Variants in GLI2 observed in about 807,000 individuals in gnomAD.
GLI2 encodes transcription activator GLI2.
A neutral mutation model predicts 78.9 loss-of-function variants in GLI2; 22 were observed. The observed-to-expected ratio is 0.28, with a 90% CI of 0.20 to 0.40. The LOEUF (loss-of-function observed/expected upper bound fraction) is 0.40. GLI2 is among the 10% of genes least tolerant of loss of function. The pLI, the probability that GLI2 is intolerant of heterozygous loss-of-function variation, is 1.00. For missense variants in GLI2, 2,097 were observed against 2,213.2 expected, an observed-to-expected ratio of 0.95 and a Z score of 1.05; for synonymous variants, 974 against 963.7, an observed-to-expected ratio of 1.01 and a Z score of -0.20.
At chr2:120,965,365 A>T (rs2105001884) in intron 5 of GLI2, among the ~76,000 whole-genome samples, 1 of 143,344 alleles carries the variant, frequency 7.0e-6, no homozygotes, top group South Asian at 2.1e-4. Flanking sequence ...TCCAGCCGGG[A>T]TGCAGATGCT....
intron 1 of GLI2, among the ~76,000 whole-genome samples, chr2:120,757,431 G>A (rs1683067472): frequency 6.6e-6 from 1 of 152,136 alleles, no homozygotes; most frequent in African/African-American, 2.4e-5. Flanking sequence ...TTGCTATTGA[G>A]GTAAAATCCT....
At chr2:120,767,846 A>C (rs1683410087) in intron 1 of GLI2, among the ~76,000 whole-genome samples, 1 of 152,238 alleles carries the variant, frequency 6.6e-6, no homozygotes. Flanking sequence ...AGCAGACTTC[A>C]GTACCACTTC....
intron 3 of GLI2, among the ~76,000 whole-genome samples, chr2:120,949,166 C>T (rs182425278): frequency 6.6e-6 from 1 of 152,208 alleles, no homozygotes; most frequent in African/African-American, 2.4e-5. Context: ...TCTGGTCCCA[C>T]TTCTCCTCTC....
intron 3 of GLI2, among the ~76,000 whole-genome samples, chr2:120,947,193 C>A (rs540734676): frequency 6.6e-6 from 1 of 152,200 alleles, no homozygotes; most frequent in South Asian, 2.1e-4. Context: ...CCAGTGTCAT[C>A]AAGAACGCCC....
intron 1 of GLI2, among the ~76,000 whole-genome samples, chr2:120,760,430 A>G (rs914853266): frequency 6.6e-6 from 1 of 152,190 alleles, no homozygotes; most frequent in African/African-American, 2.4e-5. Context: ...TTTCCCAGGA[A>G]GTGGAGGCAG....
rs561353511 is a variant in GLI2 at position 120,975,222 on chromosome 2, A to G, written c.1317+113A>G. 4.9e-4 allele frequency: 490 copies of G among 1,008,564 alleles called. 5 individuals are homozygous for G. Among genetic ancestry groups the G allele is most frequent in the Non-Finnish European group, 5.9e-4 (401 of 676,290 alleles). The allele number at this position is 1,008,564 out of a possible 1,614,324, so 62.5% of individuals were successfully genotyped here. On this transcript the variant is annotated intron_variant, in intron 9 of 13. Coordinates refer to ENST00000361492, the MANE Select transcript of GLI2 (RefSeq NM_001374353.1). ...GAAGGGGCTGGAGGAAGAGACCCCCAGAGATGCCTGGGCCACATCCCCTGC... is the reference window on the plus strand; with the variant it reads ...GAAGGGGCTGGAGGAAGAGACCCCCGGAGATGCCTGGGCCACATCCCCTGC...
At chr2:120,960,458 A>G (rs1681499797) in intron 5 of GLI2, among the ~76,000 whole-genome samples, 1 of 152,226 alleles carries the variant, frequency 6.6e-6, no homozygotes, top group African/African-American at 2.4e-5. Context: ...CCGGTTTGCA[A>G]ACCACCAGCC....
intron 2 of GLI2, among the ~76,000 whole-genome samples, chr2:120,876,133 A>G (rs1688726191): frequency 6.6e-6 from 1 of 152,148 alleles, no homozygotes; most frequent in South Asian, 2.1e-4. Flanking sequence ...CGAGGTCAGG[A>G]GATGGAGACC....
At chr2:120,819,948 A>ACGGGTT (rs1294233975) in intron 2 of GLI2, among the ~76,000 whole-genome samples, 4 of 152,266 alleles carry the variant, frequency 2.6e-5, no homozygotes, top group Admixed American at 6.5e-5. Context: ...AGGGATGAAT[A>ACGGGTT]CGGGTTCACT....
chr2:120,745,609 G>T (rs1051673173), intron 1 of GLI2, among the ~76,000 whole-genome samples: 1 of 152,112 alleles, frequency 6.6e-6, no homozygotes. Context: ...TTCCACACCC[G>T]CAGCTGTGAC....
rs114909753 is a variant in GLI2, at chr2:120,900,144, A to G, written c.149-27217A>G. Among the ~76,000 whole-genome samples, 1,053 of 152,334 alleles carry G rather than the reference A, an allele frequency of 6.9e-3. 9 individuals are homozygous for G. The highest frequency in any genetic ancestry group is 0.027 in the Middle Eastern group (8 of 294). The stretch of plus-strand genomic sequence containing the variant: ...CTCCTGGGGGTGGGAGGGTGGTTAC[A>G]AAATGAGGCCCCAGCTTGTTTGCAG... On this transcript the variant is annotated intron_variant, in intron 2 of 13. Coordinates refer to ENST00000361492, the MANE Select transcript of GLI2 (RefSeq NM_001374353.1).
At chr2:120,903,473 C>T (rs957025049) in intron 2 of GLI2, among the ~76,000 whole-genome samples, 29 of 152,188 alleles carry the variant, frequency 1.9e-4, no homozygotes, top group African/African-American at 6.8e-4. Flanking sequence ...CTGGGCCTCA[C>T]TGAGAGAGAC....
At chr2:120,897,935 A>T (rs1678058823) in intron 2 of GLI2, among the ~76,000 whole-genome samples, 1 of 152,132 alleles carries the variant, frequency 6.6e-6, no homozygotes, top group African/African-American at 2.4e-5. Context: ...TTTATTACTC[A>T]TTAGGCATCA....
chr2:120,842,089 G>A (rs1042613668), intron 2 of GLI2, among the ~76,000 whole-genome samples: 8 of 131,416 alleles, frequency 6.1e-5, no homozygotes, highest in African/African-American at 2.3e-4. Context: ...AGACTTCTTT[G>A]CTTAAAGTTG....
At chr2:120,979,894 TACA>T (rs1283639888) in intron 10 of GLI2, among the ~76,000 whole-genome samples, 1 of 152,264 alleles carries the variant, frequency 6.6e-6, no homozygotes, top group Non-Finnish European at 1.5e-5. Flanking sequence ...ACTGAAATCA[TACA>T]ATATGTGCAT....
At chr2:120,880,523 C>T (rs538608580) in intron 2 of GLI2, among the ~76,000 whole-genome samples, 5 of 152,238 alleles carry the variant, frequency 3.3e-5, no homozygotes, top group Admixed American at 1.3e-4. Flanking sequence ...GTTCCAGCCC[C>T]GGCTCTGCCC....
intron 3 of GLI2, among the ~76,000 whole-genome samples, chr2:120,942,842 A>G (rs1227680428): frequency 1.4e-5 from 2 of 144,192 alleles, no homozygotes; most frequent in East Asian, 2.1e-4. Context: ...TCATTCATTC[A>G]TTCATTCGTT....
chr2:120,941,619 C>T (rs78635046), intron 3 of GLI2, among the ~76,000 whole-genome samples: 3,828 of 152,312 alleles, frequency 0.025, 176 homozygotes, highest in African/African-American at 0.088. Flanking sequence ...GCTTCCTTTC[C>T]AGCAGGTCAG....
intron 4 of GLI2, among the ~76,000 whole-genome samples, chr2:120,954,223 G>A (rs190257984): frequency 6.8e-4 from 104 of 152,262 alleles, no homozygotes; most frequent in African/African-American, 2.4e-3. Flanking sequence ...TCAGCGATCC[G>A]AGGCAGTGTT....
Sources: gnomAD v4.1 joint callset for allele counts (sites outside exome capture counted in the v4.1 genomes callset) on GRCh38, gnomAD v4.1.1 for gene constraint, MANE v1.5 for transcripts, NCBI Gene and HGNC (gene_info 2026-07-23, HGNC 2026-07-21) for gene names.